The following ZBTB20 variants were observed in gnomAD, a reference collection of about 807,000 sequenced individuals.
ZBTB20 encodes the protein zinc finger and BTB domain containing 20.
ZBTB20 carries 9 observed loss-of-function variants against 56.9 expected under a neutral mutation model. The ratio of observed to expected loss-of-function variants is 0.16; its 90% CI spans 0.10 to 0.28. ZBTB20 has a LOEUF of 0.28. Among genes scored for constraint, ZBTB20 ranks in the 10% least tolerant of loss-of-function variants. The probability of loss-of-function intolerance (pLI) is 1.00; values close to 1 mark genes in which losing one functional copy is unlikely to be tolerated. For missense variants in ZBTB20, 655 were observed against 1,003.0 expected (o/e 0.65, Z 4.69); for synonymous variants, 417 against 420.7 (o/e 0.99, Z 0.11).
intron 5 of ZBTB20, among the ~76,000 whole-genome samples, chr3:114,796,493 T>C (rs1031860108): frequency 4.6e-5 from 7 of 151,978 alleles, no homozygotes; most frequent in Admixed American, 2.6e-4. Context: ...AGTACTCCTA[T>C]ATTAGGAAAG....
At chr3:114,909,851 AAAGAC>A (rs1471743826) in intron 3 of ZBTB20, among the ~76,000 whole-genome samples, 1 of 152,042 alleles carries the variant, frequency 6.6e-6, no homozygotes, top group African/African-American at 2.4e-5. Flanking sequence ...GCTAAAAAGA[AAAGAC>A]AAGACTAAAA....
chr3:115,073,083 T>C (rs565530606), intron 1 of ZBTB20, among the ~76,000 whole-genome samples: 119 of 152,310 alleles, frequency 7.8e-4, no homozygotes, highest in Middle Eastern at 3.4e-3. Flanking sequence ...AAATAGTTCA[T>C]GTAAGAAACT....
intron 10 of ZBTB20, chr3:114,366,929 C>CACTT (rs3085153): frequency 0.45 from 68,789 of 151,864 alleles, 15,856 homozygotes; most frequent in Non-Finnish European, 0.47. Flanking sequence ...AAGTGAAACT[C>CACTT]ACTCTTCTAA....
At chr3:114,990,309 T>C (rs1446569213) in intron 2 of ZBTB20, among the ~76,000 whole-genome samples, 1 of 152,166 alleles carries the variant, frequency 6.6e-6, no homozygotes, top group Non-Finnish European at 1.5e-5. Flanking sequence ...GTTTTTAGCA[T>C]GAAGGGTTGT....
intron 2 of ZBTB20, among the ~76,000 whole-genome samples, chr3:115,017,554 C>A (rs2080022637): frequency 6.6e-6 from 1 of 151,308 alleles, no homozygotes; most frequent in Non-Finnish European, 1.5e-5. Context: ...TTAAAGATGG[C>A]AATTTTTATT....
At chr3:114,845,990 C>T (rs995240250) in intron 4 of ZBTB20, among the ~76,000 whole-genome samples, 4 of 152,044 alleles carry the variant, frequency 2.6e-5, no homozygotes, top group Admixed American at 2.6e-4. Context: ...AAAGATGCTG[C>T]TTATTTTCAT....
chr3:114,765,078 G>C (rs1031993301), intron 5 of ZBTB20, among the ~76,000 whole-genome samples: 1 of 152,154 alleles, frequency 6.6e-6, no homozygotes, highest in Non-Finnish European at 1.5e-5. Flanking sequence ...AGGAGACAGA[G>C]GAGGTGAGGG....
intron 4 of ZBTB20, among the ~76,000 whole-genome samples, chr3:114,823,403 C>A (rs984563920): frequency 2.0e-5 from 3 of 151,900 alleles, no homozygotes; most frequent in African/African-American, 7.3e-5. Context: ...ATAATATGAG[C>A]CAGGGAAACT....
intron 6 of ZBTB20, among the ~76,000 whole-genome samples, chr3:114,579,404 A>G (rs1365453803): frequency 6.6e-6 from 1 of 151,666 alleles, no homozygotes; most frequent in Non-Finnish European, 1.5e-5. Context: ...GTATCAAAAC[A>G]TGGTATGCAC....
chr3:114,603,164 G>A (rs2056887735), intron 6 of ZBTB20, among the ~76,000 whole-genome samples: 1 of 151,948 alleles, frequency 6.6e-6, no homozygotes, highest in Non-Finnish European at 1.5e-5. Context: ...AATAAATAAA[G>A]AGCAACACAG....
At chr3:114,778,224 A>G (rs1016450830) in intron 5 of ZBTB20, among the ~76,000 whole-genome samples, 2 of 148,506 alleles carry the variant, frequency 1.3e-5, no homozygotes, top group African/African-American at 4.9e-5. Context: ...GTGCACATGT[A>G]CCCTAAAACT....
intron 2 of ZBTB20, among the ~76,000 whole-genome samples, chr3:115,029,347 G>A (rs1193195767): frequency 1.3e-5 from 2 of 150,498 alleles, no homozygotes; most frequent in East Asian, 1.9e-4. Flanking sequence ...GAAGGGGGGG[G>A]GCAGTGGTAG....
chr3:114,790,767 A>G (rs2108805806), intron 5 of ZBTB20, among the ~76,000 whole-genome samples: 1 of 151,928 alleles, frequency 6.6e-6, no homozygotes, highest in East Asian at 1.9e-4. Context: ...GGGGAGACAT[A>G]ACAGTAAGTT....
rs141513711 is a variant in ZBTB20 at position 115,143,802 on chromosome 3, G to C, written c.-703+3417C>G. ...AGAAAGTTTCATGACAATAACAAAA[G>C]GTACAAATAAGAAATAAACTAAGAT... is the stretch of plus-strand genomic sequence containing the variant. On this transcript the variant is annotated intron_variant, in intron 1 of 11. Transcript: ENST00000675478. 3.9e-5 allele frequency among the ~76,000 whole-genome samples: 6 copies of C among 152,180 alleles called. No homozygotes were observed. The East Asian group carries it at 1.2e-3, about 29-fold the overall frequency.
Position 114,508,121 on chromosome 3 carries a change from G to A in ZBTB20, c.-294-7730C>T, listed in dbSNP as rs1279957004. Among the ~76,000 whole-genome samples the A allele has an allele frequency of 2.0e-5, 3 of 152,198 alleles. No individual in the cohort carries two copies. The East Asian group carries it at 5.8e-4, about 29-fold the overall frequency. On this transcript the variant is annotated intron_variant, in intron 6 of 11. Transcript: ENST00000675478. ...AAAAAGTTTTTTGAAGGTCCAGAAA[G>A]TAATATATGAACTCACTATTATTAT...
At chr3:115,073,548 G>T (rs1442946428) in intron 1 of ZBTB20, among the ~76,000 whole-genome samples, 4 of 152,032 alleles carry the variant, frequency 2.6e-5, no homozygotes, top group Non-Finnish European at 5.9e-5. Context: ...GAGAAAAAAT[G>T]ACTCTCACCC....
intron 5 of ZBTB20, among the ~76,000 whole-genome samples, chr3:114,782,940 T>C (rs1031473111): frequency 6.6e-6 from 1 of 152,216 alleles, no homozygotes; most frequent in Non-Finnish European, 1.5e-5. Flanking sequence ...CATATATCCC[T>C]GTATGGCAAT....
intron 7 of ZBTB20, among the ~76,000 whole-genome samples, chr3:114,440,730 T>C (rs1278498837): frequency 2.0e-5 from 3 of 152,158 alleles, no homozygotes; most frequent in Non-Finnish European, 4.4e-5. Context: ...CTTGGACCCT[T>C]CTCTCGCAAG....
chr3:114,793,729 A>G (rs2071145055), intron 5 of ZBTB20, among the ~76,000 whole-genome samples: 1 of 152,158 alleles, frequency 6.6e-6, no homozygotes, highest in Non-Finnish European at 1.5e-5. Context: ...AATAATAGGA[A>G]GAACACTTAC....
Sources: gnomAD v4.1 joint callset for allele counts (sites outside exome capture counted in the v4.1 genomes callset) on GRCh38, gnomAD v4.1.1 for gene constraint, MANE v1.5 for transcripts, NCBI Gene and HGNC (gene_info 2026-07-23, HGNC 2026-07-21) for gene names.